Variants in CTDP1 observed in about 807,000 individuals in gnomAD.
The protein encoded by CTDP1 is RNA polymerase II subunit A C-terminal domain phosphatase.
In CTDP1, 47 loss-of-function variants were observed where a neutral mutation model predicts 91.8. The ratio of observed to expected loss-of-function variants is 0.51; its 90% confidence interval spans 0.41 to 0.65. CTDP1 has a LOEUF of 0.65. CTDP1 is among the 30% of genes least tolerant of loss of function. CTDP1 has a pLI of 0.00. For missense variants in CTDP1, 1,272 were observed against 1,373.7 expected (o/e 0.93, Z 1.17); for synonymous variants, 656 against 598.5 (o/e 1.10, Z -1.40).
intron 11 of CTDP1, among the ~76,000 whole-genome samples, chr18:79,734,264 T>A (rs1017637539): frequency 8.5e-5 from 13 of 152,358 alleles, no homozygotes; most frequent in African/African-American, 3.1e-4. Flanking sequence ...GACCCCATCC[T>A]GAGTCAAGGA....
intron 6 of CTDP1, among the ~76,000 whole-genome samples, chr18:79,710,678 G>T (rs1185728490): frequency 1.5e-5 from 2 of 133,812 alleles, no homozygotes; most frequent in African/African-American, 5.7e-5. Flanking sequence ...CCACCACCTC[G>T]CCCGGCAATT....
chr18:79,750,628 G>A (rs946362512), intron 12 of CTDP1, among the ~76,000 whole-genome samples: 2 of 150,574 alleles, frequency 1.3e-5, no homozygotes, highest in African/African-American at 2.4e-5. Flanking sequence ...CGAGTAGCTG[G>A]GACTACAGGT....
intron 3 of CTDP1, among the ~76,000 whole-genome samples, chr18:79,696,464 C>G (rs1374143830): frequency 6.6e-6 from 1 of 152,102 alleles, no homozygotes; most frequent in East Asian, 1.9e-4. Flanking sequence ...TGCTGGATGA[C>G]CCGGGAGGGC....
At chr18:79,723,375 C>T (rs1433582387) in intron 10 of CTDP1, among the ~76,000 whole-genome samples, 10 of 152,202 alleles carry the variant, frequency 6.6e-5, no homozygotes, top group Non-Finnish European at 1.5e-4. Context: ...GTGGTGGTTC[C>T]TCATTCTGTT....
chr18:79,712,810 C>T (rs762653937), intron 6 of CTDP1, among the ~76,000 whole-genome samples, 162 bp from the exon 7 acceptor site: 1 of 152,162 alleles, frequency 6.6e-6, no homozygotes, highest in African/African-American at 2.4e-5. Context: ...GGTTTAAATG[C>T]GACCCAAACA....
intron 5 of CTDP1, among the ~76,000 whole-genome samples, chr18:79,705,386 G>A (rs1330400301): frequency 6.6e-6 from 1 of 152,206 alleles, no homozygotes; most frequent in African/African-American, 2.4e-5. Context: ...TGCCCTCTGG[G>A]AGGCAGCACC....
intron 8 of CTDP1, 140 bp downstream of exon 8, chr18:79,715,668 T>A (rs1206767648): frequency 3.1e-6 from 3 of 979,236 alleles, no homozygotes; most frequent in East Asian, 5.2e-5. Flanking sequence ...TAAGAATAGA[T>A]CATGACAGTG....
At chr18:79,710,197 G>A (rs548557810) in intron 5 of CTDP1, 149 bp from the exon 6 acceptor site, 32 of 742,986 alleles carry the variant, frequency 4.3e-5, no homozygotes, top group East Asian at 2.5e-5. Flanking sequence ...CACGAGCCAC[G>A]TCTTACCTCA....
chr18:79,704,121 G>A (rs1434344149), intron 4 of CTDP1, among the ~76,000 whole-genome samples: 2 of 152,302 alleles, frequency 1.3e-5, no homozygotes, highest in East Asian at 1.9e-4. Flanking sequence ...CTCACTGAGG[G>A]CATTCCCGCA....
rs530619192 is a variant in CTDP1 at position 79,718,391 on chromosome 18, C to T, written c.2417+375C>T. On this transcript the variant is annotated intron_variant, in intron 10 of 12. Transcript: ENST00000613122. The stretch of plus-strand genomic sequence containing the variant: ...CCCACTCGCCTCACCATCTGCTCTC[C>T]GCCGGCTCCACGTTTGCTGCTCTGC... Among the ~76,000 whole-genome samples, 22 of 152,324 alleles carry T rather than the reference C, an allele frequency of 1.4e-4. 1 individual carries two copies. The highest frequency in any genetic ancestry group is 6.2e-4 in the South Asian group (3 of 4,828).
chr18:79,699,464 C>T (rs1028510973), intron 4 of CTDP1, among the ~76,000 whole-genome samples: 16 of 152,006 alleles, frequency 1.1e-4, no homozygotes, highest in Non-Finnish European at 2.2e-4. Context: ...GGGGTTTCAC[C>T]GTGTTAGCCA....
chr18:79,717,768 C>T, intron 9 of CTDP1, 42 bp from the exon 10 acceptor site: 1 of 1,613,692 alleles, frequency 6.2e-7, no homozygotes, highest in Admixed American at 1.7e-5. Context: ...CCCTCATCAC[C>T]CGGACGCCCC....
intron 4 of CTDP1, among the ~76,000 whole-genome samples, chr18:79,698,956 G>T (rs760134933): frequency 3.9e-5 from 6 of 152,206 alleles, no homozygotes; most frequent in African/African-American, 4.8e-5. Flanking sequence ...GTTTGGTTAA[G>T]TTTGGCCTTG....
At chr18:79,711,011 G>C (rs975223937) in intron 6 of CTDP1, among the ~76,000 whole-genome samples, 2 of 152,110 alleles carry the variant, frequency 1.3e-5, no homozygotes, top group Non-Finnish European at 2.9e-5. Flanking sequence ...TCCAGGCTCT[G>C]CCCCATCCCA....
intron 12 of CTDP1, among the ~76,000 whole-genome samples, chr18:79,743,747 T>G (rs1458472969): frequency 6.6e-6 from 1 of 152,182 alleles, no homozygotes; most frequent in Non-Finnish European, 1.5e-5. Flanking sequence ...CAAAATTGAT[T>G]CTGATCAAGC....
At chr18:79,706,342 T>C (rs564998815) in intron 5 of CTDP1, among the ~76,000 whole-genome samples, 4 of 152,282 alleles carry the variant, frequency 2.6e-5, no homozygotes, top group Non-Finnish European at 1.5e-5. Flanking sequence ...CAAATCCCCA[T>C]GTGTTCCAGC....
At chr18:79,735,826 G>A (rs947769515) in intron 11 of CTDP1, 9 of 167,172 alleles carry the variant, frequency 5.4e-5, no homozygotes, top group South Asian at 1.5e-4. Flanking sequence ...TTCAGGAGTC[G>A]CCCTCTCTGC....
At position 79,715,503 on chromosome 18, in the gene CTDP1, C is replaced by G; in HGVS notation, c.2043C>G (p.Ala681=). ...TGAGCCCCGACGCCCCTGACAGGGC[C>G]ACGCACCTGATCGCCGCGCGAGCTG... ...LVLSPDAPDR[A]THLIAARAGT... The change falls in exon 8 of 13, where the codon GCC becomes GCG. Residue 681 remains alanine, a synonymous_variant. Coordinates refer to ENST00000613122, the MANE Select transcript of CTDP1 (RefSeq NM_004715.5). The G allele has an allele frequency of 1.3e-6, 2 of 1,568,578 alleles. No individual in the cohort carries two copies. Among genetic ancestry groups the G allele is most frequent in the South Asian group, 1.2e-5 (1 of 85,696 alleles).
At chr18:79,698,040 A>C in intron 4 of CTDP1, 52 bp downstream of exon 4, 1 of 1,608,160 alleles carries the variant, frequency 6.2e-7, no homozygotes, top group Non-Finnish European at 8.5e-7. Context: ...CGGGTCCTAG[A>C]ATTTTGATTC....
Sources: allele counts gnomAD v4.1 joint callset (sites outside exome capture counted in the v4.1 genomes callset), GRCh38; gene constraint gnomAD v4.1.1; transcripts MANE v1.5; gene names NCBI Gene and HGNC (gene_info 2026-07-23, HGNC 2026-07-21).